FAM13A: variants seen among roughly 807,000 people sequenced by gnomAD.
The protein encoded by FAM13A is family with sequence similarity 13 member A, also known as protein FAM13A.
A neutral mutation model predicts 129.6 loss-of-function variants in FAM13A; 76 were observed. That is an observed-to-expected ratio of 0.59 (90% CI 0.49 to 0.71). FAM13A has a LOEUF of 0.71. FAM13A is among the 30% of genes least tolerant of loss of function. The pLI is 0.00. For synonymous variants in FAM13A, 443 were observed against 449.9 expected (o/e 0.98, Z 0.20); for missense variants, 1,108 against 1,249.3 (o/e 0.89, Z 1.70).
intron 4 of FAM13A, among the ~76,000 whole-genome samples, chr4:88,972,663 A>G (rs903171875): frequency 6.6e-6 from 1 of 151,842 alleles, no homozygotes; most frequent in Non-Finnish European, 1.5e-5. Flanking sequence ...GCTGGAGTGC[A>G]GTGGTGTGAT....
Position 88,758,748 on chromosome 4 carries a change from C to G in FAM13A, c.1726+6G>C. On this transcript the variant is annotated splice_donor_region_variant and intron_variant, in intron 14 of 23. Coordinates refer to ENST00000264344, the MANE Select transcript of FAM13A (RefSeq NM_014883.4). Reference sequence around the variant, plus strand: ...AGCAAATCATCCAAGTATCAGACAACCCTACCTTCCCAGTTCTTTTCATCA... The same window carrying G: ...AGCAAATCATCCAAGTATCAGACAAGCCTACCTTCCCAGTTCTTTTCATCA... 1.2e-6 allele frequency: 2 copies of G among 1,610,210 alleles called. No individual in the cohort carries two copies. The highest frequency in any genetic ancestry group is 1.7e-6 in the Non-Finnish European group (2 of 1,177,802).
At chr4:89,031,734 A>G (rs1035151212) in intron 1 of FAM13A, among the ~76,000 whole-genome samples, 5 of 152,242 alleles carry the variant, frequency 3.3e-5, no homozygotes, top group Admixed American at 6.5e-5. Context: ...AACATGGTTG[A>G]GACACATTTC....
chr4:89,028,051 A>C (rs1484253870), intron 2 of FAM13A, among the ~76,000 whole-genome samples: 1 of 25,500 alleles, frequency 3.9e-5, no homozygotes, highest in African/African-American at 1.0e-4. Context: ...CTAATAATAC[A>C]AAAAAAAAAA....
chr4:88,973,261 C>T (rs1760393613), intron 4 of FAM13A, among the ~76,000 whole-genome samples: 3 of 151,166 alleles, frequency 2.0e-5, no homozygotes, highest in Admixed American at 6.6e-5. Flanking sequence ...TCTATTTCTT[C>T]TACTTCTGGG....
At chr4:89,048,287 T>A (rs1771120363) in intron 1 of FAM13A, among the ~76,000 whole-genome samples, 2 of 152,312 alleles carry the variant, frequency 1.3e-5, no homozygotes, top group African/African-American at 4.8e-5. Flanking sequence ...AACAGAATAT[T>A]ATTTAACAAT....
chr4:88,799,344 GT>G (rs372777930), intron 8 of FAM13A, among the ~76,000 whole-genome samples: 7 of 152,194 alleles, frequency 4.6e-5, no homozygotes, highest in African/African-American at 1.7e-4. Context: ...AATACCAAGT[GT>G]TGACAAAAAT....
At chr4:88,785,862 G>C (rs1329952501) in intron 10 of FAM13A, among the ~76,000 whole-genome samples, 4 of 152,124 alleles carry the variant, frequency 2.6e-5, no homozygotes, top group African/African-American at 9.7e-5. Flanking sequence ...GTTAGGTACT[G>C]TTTGTACCCC....
intron 4 of FAM13A, among the ~76,000 whole-genome samples, chr4:88,981,354 G>T (rs1053501246): frequency 1.3e-5 from 2 of 152,222 alleles, no homozygotes; most frequent in South Asian, 4.2e-4. Flanking sequence ...CCGAGGCTTT[G>T]GTCCGTGCAT....
chr4:88,939,854 G>C, intron 4 of FAM13A, among the ~76,000 whole-genome samples: 1 of 152,092 alleles, frequency 6.6e-6, no homozygotes, highest in East Asian at 1.9e-4. Context: ...AAGATGCTAG[G>C]GTCCTTAGTC....
At chr4:88,738,098 G>A (rs770320730) in intron 20 of FAM13A, among the ~76,000 whole-genome samples, 3 of 152,194 alleles carry the variant, frequency 2.0e-5, no homozygotes, top group Non-Finnish European at 4.4e-5. Flanking sequence ...ACACCTGCCT[G>A]AGATCTCTGG....
intron 5 of FAM13A, among the ~76,000 whole-genome samples, chr4:88,922,287 C>A (rs970968380): frequency 2.6e-5 from 4 of 151,678 alleles, no homozygotes; most frequent in Non-Finnish European, 5.9e-5. Context: ...CCAAAATTGA[C>A]CACATAATTG....
intron 6 of FAM13A, among the ~76,000 whole-genome samples, chr4:88,860,023 C>A (rs1422675762): frequency 6.6e-6 from 1 of 152,098 alleles, no homozygotes; most frequent in Non-Finnish European, 1.5e-5. Flanking sequence ...TCCCTTGCTG[C>A]CTCAAACAGC....
intron 5 of FAM13A, chr4:88,936,420 G>A (rs1753850911): frequency 6.6e-6 from 1 of 152,406 alleles, no homozygotes; most frequent in Non-Finnish European, 1.5e-5. Context: ...GAGAGTGGGA[G>A]CAAGAGTGAG....
intron 7 of FAM13A, among the ~76,000 whole-genome samples, chr4:88,845,534 A>G (rs1472966903): frequency 6.6e-6 from 1 of 152,190 alleles, no homozygotes; most frequent in Non-Finnish European, 1.5e-5. Context: ...AGGAGGAAGC[A>G]ATACAGGAAA....
chr4:88,984,654 C>A (rs1199195465), intron 4 of FAM13A, among the ~76,000 whole-genome samples: 1 of 152,032 alleles, frequency 6.6e-6, no homozygotes, highest in Non-Finnish European at 1.5e-5. Flanking sequence ...ACTGGTTCGC[C>A]CATACATTGC....
chr4:88,869,513 G>T (rs1740998875), intron 6 of FAM13A, among the ~76,000 whole-genome samples: 1 of 152,180 alleles, frequency 6.6e-6, no homozygotes, highest in East Asian at 1.9e-4. Flanking sequence ...ACTCTCATGT[G>T]CTTTGGTCTC....
At chr4:88,869,785 GA>G (rs1213419445) in intron 6 of FAM13A, among the ~76,000 whole-genome samples, 2 of 151,990 alleles carry the variant, frequency 1.3e-5, no homozygotes, top group African/African-American at 4.8e-5. Context: ...TATGTATTCT[GA>G]AAAAAATAAT....
chr4:88,991,317 A>G (rs897747554), intron 3 of FAM13A, among the ~76,000 whole-genome samples, 167 bp from the exon 4 acceptor site: 3 of 152,214 alleles, frequency 2.0e-5, no homozygotes, highest in African/African-American at 7.2e-5. Flanking sequence ...AACTTACTGT[A>G]GTCCCAGCTA....
intron 7 of FAM13A, among the ~76,000 whole-genome samples, chr4:88,824,547 T>C (rs1732635077): frequency 6.6e-6 from 1 of 152,204 alleles, no homozygotes; most frequent in Non-Finnish European, 1.5e-5. Flanking sequence ...CAAAAGGAGT[T>C]GATTTAACCC....
Sources: gnomAD v4.1 joint callset for allele counts (sites outside exome capture counted in the v4.1 genomes callset) on GRCh38, gnomAD v4.1.1 for gene constraint, MANE v1.5 for transcripts, NCBI Gene and HGNC (gene_info 2026-07-23, HGNC 2026-07-21) for gene names.